AK5: variants seen among roughly 807,000 people sequenced by gnomAD.
AK5 encodes adenylate kinase isoenzyme 5.
Under a neutral mutation model 69.5 loss-of-function variants are expected in AK5, and 27 were observed. The observed-to-expected ratio is 0.39, with a 90% confidence interval of 0.29 to 0.54. AK5 has a LOEUF of 0.54. Ranked by LOEUF, AK5 falls within the 20% of genes least tolerant of loss-of-function variation. AK5 has a pLI of 0.71. For missense variants in AK5, 531 were observed against 700.4 expected, an observed-to-expected ratio of 0.76 and a Z score of 2.73; for synonymous variants, 260 against 244.4, an observed-to-expected ratio of 1.06 and a Z score of -0.60.
intron 12 of AK5, among the ~76,000 whole-genome samples, chr1:77,528,047 A>C (rs188849445): frequency 7.7e-4 from 117 of 152,320 alleles, no homozygotes; most frequent in African/African-American, 2.6e-3. Flanking sequence ...CAACAGAGTG[A>C]AACTCCATCT....
intron 8 of AK5, among the ~76,000 whole-genome samples, chr1:77,481,653 A>C (rs942048084): frequency 6.6e-6 from 1 of 152,236 alleles, no homozygotes; most frequent in Non-Finnish European, 1.5e-5. Context: ...CAGGCATCAA[A>C]GTGAATTAGA....
rs562538942 is a variant in AK5 at position 77,531,874 on chromosome 1, TGGCGGG to T, written c.1429-3969_1429-3964del. ...GGAGGTGGGGGGGAAGGCTCAGGCA[TGGCGGG>T]GGCTGCAGGTCCCGAGCCCTGCCCC... is the stretch of plus-strand genomic sequence containing the variant. On this transcript the variant is annotated intron_variant, in intron 12 of 13. Coordinates refer to ENST00000354567, the MANE Select transcript of AK5 (RefSeq NM_174858.3). Among the ~76,000 whole-genome samples, 60 of 142,190 alleles carry T rather than the reference TGGCGGG, an allele frequency of 4.2e-4. No individual in the cohort carries two copies. The East Asian group carries it at 9.5e-3, about 22-fold the overall frequency. The allele number at this position is 142,190 out of a possible 152,430, so 93.3% of individuals were successfully genotyped here. A position where few individuals can be genotyped will look rare whatever the true frequency, so the allele number is the denominator to read the frequency against.
At position 77,444,351 on chromosome 1, in the gene AK5, TG is replaced by T. The variant is rs1165583445; in HGVS notation, c.1059+26637del. On this transcript the variant is annotated intron_variant, in intron 8 of 13. Coordinates refer to ENST00000354567, the MANE Select transcript of AK5 (RefSeq NM_174858.3). ...ATATATAGTATATATACACAATATA[TG>T]TGTATATATAGTATAAATATATACT... 1.4e-3 allele frequency among the ~76,000 whole-genome samples: 81 copies of T among 56,898 alleles called. 5 individuals carry two copies. The highest frequency in any genetic ancestry group is 2.5e-3 in the African/African-American group (34 of 13,566). 37.3% of individuals were successfully genotyped at this position (56,898 alleles called of 152,430 possible).
intron 6 of AK5, among the ~76,000 whole-genome samples, chr1:77,356,578 A>T (rs142517749): frequency 6.6e-6 from 1 of 152,326 alleles, no homozygotes; most frequent in African/African-American, 2.4e-5. Flanking sequence ...CTGAAAACTG[A>T]ATCTCATAAT....
intron 1 of AK5, among the ~76,000 whole-genome samples, chr1:77,283,982 A>G (rs1288924842): frequency 6.6e-6 from 1 of 151,998 alleles, no homozygotes; most frequent in East Asian, 1.9e-4. Context: ...GAAGTTTGAT[A>G]GTTTATTAAA....
chr1:77,380,104 A>C (rs375240239), intron 6 of AK5, among the ~76,000 whole-genome samples: 103 of 152,316 alleles, frequency 6.8e-4, no homozygotes, highest in Admixed American at 1.3e-3. Context: ...GCCAGCTGAA[A>C]TGCAAAGACA....
chr1:77,507,745 A>C (rs1178054508), intron 10 of AK5, among the ~76,000 whole-genome samples: 1 of 152,268 alleles, frequency 6.6e-6, no homozygotes, highest in Non-Finnish European at 1.5e-5. Context: ...AGAAAAATCA[A>C]CAAAGACTTC....
At chr1:77,343,530 T>C (rs2100390850) in intron 6 of AK5, among the ~76,000 whole-genome samples, 1 of 152,310 alleles carries the variant, frequency 6.6e-6, no homozygotes, top group South Asian at 2.1e-4. Context: ...ATGATAGTAA[T>C]GCAGAGAGCG....
chr1:77,405,728 AGACAG>A (rs1649579143), intron 6 of AK5, among the ~76,000 whole-genome samples: 1 of 152,154 alleles, frequency 6.6e-6, no homozygotes, highest in Non-Finnish European at 1.5e-5. Context: ...GAGCAGTGAA[AGACAG>A]GAGACTGGAG....
chr1:77,443,544 G>A (rs1274644954), intron 8 of AK5, among the ~76,000 whole-genome samples: 1 of 152,122 alleles, frequency 6.6e-6, no homozygotes, highest in African/African-American at 2.4e-5. Flanking sequence ...TCCTTCTTGA[G>A]AGGGAGGGCC....
rs1433593918 is a variant in AK5, at chr1:77,411,026, A to G, written c.937A>G (p.Met313Val). The change falls in exon 7 of 14, where the codon ATG (methionine) becomes GTG (valine). Residue 313 changes from methionine (M) to valine (V), a missense_variant. Coordinates refer to ENST00000354567, the MANE Select transcript of AK5 (RefSeq NM_174858.3). Reference protein sequence around the residue: ...DEDEVFYDISMAVDNKLFPNK... With the variant: ...DEDEVFYDISVAVDNKLFPNK... ...GGATGAGGTGTTCTATGACATCAGCATGGCAGTTGACAACAAGTTATTTCC... is the reference window on the plus strand; with the variant it reads ...GGATGAGGTGTTCTATGACATCAGCGTGGCAGTTGACAACAAGTTATTTCC... 2.5e-6 allele frequency: 4 copies of G among 1,613,972 alleles called. No individual in the cohort carries two copies. Among genetic ancestry groups the G allele is most frequent in the Non-Finnish European group, 3.4e-6 (4 of 1,179,924 alleles).
intron 6 of AK5, among the ~76,000 whole-genome samples, chr1:77,357,032 G>C (rs982133668): frequency 2.0e-5 from 3 of 152,122 alleles, no homozygotes; most frequent in African/African-American, 4.8e-5. Context: ...GGCTTCCACT[G>C]TCTATTGATT....
At chr1:77,359,083 G>A (rs796343561) in intron 6 of AK5, among the ~76,000 whole-genome samples, 8 of 151,758 alleles carry the variant, frequency 5.3e-5, no homozygotes, top group South Asian at 2.1e-4. Context: ...GTGAAACCCC[G>A]TCTCTATTAA....
Position 77,286,959 on chromosome 1 carries a change from A to T in AK5, c.79A>T (p.Met27Leu), listed in dbSNP as rs756637660. ...QLFESLLNGLMCSKPEDPVEY... is the reference protein window; with the variant it reads ...QLFESLLNGLLCSKPEDPVEY... ...ATTTCAGAGCCTTTTGAATGGACTG[A>T]TGTGTTCTAAGCCCGAAGATCCAGT... Residue 27 changes from methionine (M) to leucine (L), a missense_variant, in exon 2 of 14, where the codon ATG becomes TTG. Physicochemically the swap from Met to Leu is conservative, Grantham distance 15 (BLOSUM62 2). Coordinates refer to ENST00000354567, the MANE Select transcript of AK5 (RefSeq NM_174858.3). The T allele has an allele frequency of 1.9e-6, 3 of 1,547,266 alleles. No homozygotes were observed. The South Asian group carries it at 3.8e-5, about 20-fold the overall frequency.
intron 13 of AK5, 125 bp from the exon 14 acceptor site, chr1:77,558,477 T>TCG: frequency 3.9e-6 from 2 of 513,232 alleles, no homozygotes; most frequent in South Asian, 5.1e-5. Context: ...CTCTGTGTTT[T>TCG]GGGGGGGGTC....
intron 6 of AK5, among the ~76,000 whole-genome samples, chr1:77,352,771 G>GA (rs1479375435): frequency 6.6e-6 from 1 of 152,188 alleles, no homozygotes; most frequent in Non-Finnish European, 1.5e-5. Context: ...AGGAAGTGAA[G>GA]AAAAGAAAAC....
chr1:77,362,523 G>A (rs932757002), intron 6 of AK5, among the ~76,000 whole-genome samples: 8 of 151,940 alleles, frequency 5.3e-5, no homozygotes, highest in East Asian at 1.9e-4. Context: ...CTTCCTTATT[G>A]TATACCAAAA....
intron 12 of AK5, among the ~76,000 whole-genome samples, chr1:77,527,337 G>T (rs1178145127): frequency 6.6e-6 from 1 of 152,166 alleles, no homozygotes; most frequent in East Asian, 1.9e-4. Flanking sequence ...CCATTGGTCT[G>T]TCCTCTGGCG....
At chr1:77,295,948 A>G (rs1266256177) in intron 3 of AK5, among the ~76,000 whole-genome samples, 1 of 152,148 alleles carries the variant, frequency 6.6e-6, no homozygotes, top group South Asian at 2.1e-4. Context: ...CAAAGTTATG[A>G]TTCTTGTTAT....
Sources: allele counts gnomAD v4.1 joint callset (sites outside exome capture counted in the v4.1 genomes callset), GRCh38; gene constraint gnomAD v4.1.1; transcripts MANE v1.5; gene names NCBI Gene and HGNC (gene_info 2026-07-23, HGNC 2026-07-21).